NLGN1: variants seen among roughly 807,000 people sequenced by gnomAD.
NLGN1 encodes the protein neuroligin 1.
Under a neutral mutation model 65.5 loss-of-function variants are expected in NLGN1, and 12 were observed. The observed-to-expected ratio is 0.18, with a 90% confidence interval of 0.12 to 0.30. The LOEUF (loss-of-function observed/expected upper bound fraction) is 0.30, where lower values mean the gene tolerates loss of function less well. Ranked by LOEUF, NLGN1 falls within the 10% of genes least tolerant of loss-of-function variation. NLGN1 has a pLI of 1.00. For missense variants in NLGN1, 750 were observed against 1,007.1 expected, an observed-to-expected ratio of 0.74 and a Z score of 3.46; for synonymous variants, 350 against 359.5, an observed-to-expected ratio of 0.97 and a Z score of 0.30.
Position 173,569,901 on chromosome 3 carries a change from G to GCATT in NLGN1, c.-320-34366_-320-34363dup, listed in dbSNP as rs573764384. ...TCTCTAAGAAATTACTTAGCAGATA[G>GCATT]CATTCATTCATTCATGCATTTCTTC... On this transcript the variant is annotated intron_variant, in intron 2 of 6. Coordinates refer to ENST00000457714, the Ensembl canonical transcript of NLGN1. Among the ~76,000 whole-genome samples the GCATT allele has an allele frequency of 2.7e-3, 418 of 152,246 alleles. 3 individuals carry two copies. The highest frequency in any genetic ancestry group is 9.7e-3 in the African/African-American group (402 of 41,542).
At chr3:174,018,703 G>T (rs1727122794) in intron 4 of NLGN1, among the ~76,000 whole-genome samples, 1 of 152,104 alleles carries the variant, frequency 6.6e-6, no homozygotes, top group Non-Finnish European at 1.5e-5. Flanking sequence ...TCAGGTCACT[G>T]AAATATCCAG....
At chr3:174,198,491 T>A (rs953859687) in intron 4 of NLGN1, among the ~76,000 whole-genome samples, 1 of 152,208 alleles carries the variant, frequency 6.6e-6, no homozygotes, top group Non-Finnish European at 1.5e-5. Flanking sequence ...AATCAAAGTC[T>A]AAACATTTAC....
intron 3 of NLGN1, among the ~76,000 whole-genome samples, chr3:173,744,164 A>T (rs1168739714): frequency 1.3e-5 from 2 of 152,114 alleles, no homozygotes; most frequent in Non-Finnish European, 2.9e-5. Flanking sequence ...AAAACCATTA[A>T]TTTTATTCTC....
chr3:173,583,007 C>G (rs556697346), intron 2 of NLGN1, among the ~76,000 whole-genome samples: 5 of 152,258 alleles, frequency 3.3e-5, no homozygotes, highest in African/African-American at 1.2e-4. Flanking sequence ...TCAGTGCTTT[C>G]TGATGTCACC....
At chr3:173,845,108 A>G (rs1725481426) in intron 4 of NLGN1, among the ~76,000 whole-genome samples, 1 of 152,234 alleles carries the variant, frequency 6.6e-6, no homozygotes, top group African/African-American at 2.4e-5. Context: ...ATAGCATCTC[A>G]CTTTTCATCT....
At chr3:174,158,015 C>G (rs1725778237) in intron 4 of NLGN1, among the ~76,000 whole-genome samples, 2 of 151,726 alleles carry the variant, frequency 1.3e-5, no homozygotes, top group Non-Finnish European at 2.9e-5. Flanking sequence ...GCCCACTAGT[C>G]CCTTCTATTA....
chr3:173,553,755 A>AG (rs1355921918), intron 2 of NLGN1, among the ~76,000 whole-genome samples: 6 of 151,950 alleles, frequency 3.9e-5, no homozygotes. Context: ...TCAGCTACAC[A>AG]GCCTGTGCAG....
At chr3:173,913,491 G>A (rs546153921) in intron 4 of NLGN1, among the ~76,000 whole-genome samples, 2 of 152,104 alleles carry the variant, frequency 1.3e-5, no homozygotes, top group Non-Finnish European at 2.9e-5. Context: ...GTTCACTGAG[G>A]GCCATGTTCA....
chr3:174,043,956 C>G (rs1397887205), intron 4 of NLGN1, among the ~76,000 whole-genome samples: 3 of 152,218 alleles, frequency 2.0e-5, no homozygotes, highest in Admixed American at 2.0e-4. Context: ...TTTCATACAT[C>G]CTGTGAAATC....
At chr3:174,016,656 A>G (rs1726618434) in intron 4 of NLGN1, among the ~76,000 whole-genome samples, 1 of 152,142 alleles carries the variant, frequency 6.6e-6, no homozygotes, top group South Asian at 2.1e-4. Context: ...AAACTATTAA[A>G]TTGGTGCAAA....
chr3:173,865,566 A>C (rs190780568), intron 4 of NLGN1, among the ~76,000 whole-genome samples: 1 of 152,250 alleles, frequency 6.6e-6, no homozygotes, highest in Admixed American at 6.5e-5. Context: ...AACTTGCAGC[A>C]CTGATAGATT....
At chr3:174,038,768 T>C (rs1731658225) in intron 4 of NLGN1, among the ~76,000 whole-genome samples, 1 of 152,198 alleles carries the variant, frequency 6.6e-6, no homozygotes. Flanking sequence ...TCAGAAGTTC[T>C]AATTGCCTTA....
chr3:174,108,979 T>G (rs1246305697), intron 4 of NLGN1, among the ~76,000 whole-genome samples: 20 of 152,034 alleles, frequency 1.3e-4, no homozygotes, highest in Non-Finnish European at 2.9e-4. Context: ...TATAACAGGT[T>G]TTTTATAAAT....
At chr3:174,031,612 GAT>G (rs1480397185) in intron 4 of NLGN1, among the ~76,000 whole-genome samples, 1 of 152,080 alleles carries the variant, frequency 6.6e-6, no homozygotes, top group Admixed American at 6.6e-5. Context: ...AATATTCACA[GAT>G]TAAGACCTCT....
intron 3 of NLGN1, among the ~76,000 whole-genome samples, chr3:173,729,140 T>C (rs895163187): frequency 6.6e-6 from 1 of 152,092 alleles, no homozygotes; most frequent in African/African-American, 2.4e-5. Flanking sequence ...GTAGTAATTT[T>C]TGAAACCAGG....
At chr3:173,561,317 C>T (rs1009885225) in intron 2 of NLGN1, among the ~76,000 whole-genome samples, 8 of 152,286 alleles carry the variant, frequency 5.3e-5, no homozygotes, top group South Asian at 2.1e-4. Context: ...TGGTACAACA[C>T]GCCTTGGTTC....
At chr3:173,627,836 A>G (rs1016558069) in intron 3 of NLGN1, among the ~76,000 whole-genome samples, 1 of 149,450 alleles carries the variant, frequency 6.7e-6, no homozygotes, top group African/African-American at 2.5e-5. Context: ...TTCAGCTGAG[A>G]CTCTTCATTT....
At chr3:173,545,940 G>C (rs1182471760) in intron 2 of NLGN1, among the ~76,000 whole-genome samples, 1 of 151,968 alleles carries the variant, frequency 6.6e-6, no homozygotes, top group Admixed American at 6.6e-5. Flanking sequence ...ACTGGGGCCT[G>C]TCAGGGGGTG....
intron 2 of NLGN1, among the ~76,000 whole-genome samples, chr3:173,438,194 C>T (rs867839151): frequency 0.012 from 1,780 of 148,434 alleles, 30 homozygotes; most frequent in African/African-American, 0.043. Flanking sequence ...GTGGTTTTTT[C>T]CCCCTTTGGA....
Sources: gnomAD v4.1 joint callset for allele counts (sites outside exome capture counted in the v4.1 genomes callset) on GRCh38, gnomAD v4.1.1 for gene constraint, MANE v1.5 for transcripts, NCBI Gene and HGNC (gene_info 2026-07-23, HGNC 2026-07-21) for gene names.